Variants in NCKAP5 observed in about 807,000 individuals in gnomAD.
The protein encoded by NCKAP5 is nck-associated protein 5.
In NCKAP5, 92 loss-of-function variants were observed where a neutral mutation model predicts 167.0. That is an observed-to-expected ratio of 0.55 (90% CI 0.47 to 0.66). NCKAP5 has a LOEUF of 0.66. NCKAP5 is among the 30% of genes least tolerant of loss of function. The pLI, the probability that NCKAP5 is intolerant of heterozygous loss-of-function variation, is 0.00. For synonymous variants in NCKAP5, 891 were observed against 877.4 expected (o/e 1.02, Z -0.27); for missense variants, 2,378 against 2,315.0 (o/e 1.03, Z -0.56).
intron 4 of NCKAP5, among the ~76,000 whole-genome samples, chr2:133,261,102 A>G (rs984540731): frequency 2.0e-5 from 3 of 152,230 alleles, no homozygotes; most frequent in Admixed American, 1.3e-4. Context: ...AAGAACTGAG[A>G]AATGGAAAAG....
At chr2:132,731,215 C>T (rs7587261) in intron 17 of NCKAP5, among the ~76,000 whole-genome samples, 3,677 of 152,248 alleles carry the variant, frequency 0.024, 153 homozygotes, top group African/African-American at 0.084. Flanking sequence ...TTGACTGCCA[C>T]GAAGGATAGT....
the NCKAP5 span, among the ~76,000 whole-genome samples, chr2:133,629,247 G>A: frequency 6.6e-6 from 1 of 152,050 alleles, no homozygotes; most frequent in South Asian, 2.1e-4. Context: ...ATCTGACAAA[G>A]GTCTAATATC....
chr2:132,782,713 A>G lies in NCKAP5; in HGVS notation c.4098T>C (p.Ser1366=), dbSNP rs753863985. 6.2e-7 allele frequency: 1 copy of G among 1,613,814 alleles called. No individual in the cohort carries two copies. Among genetic ancestry groups the G allele is most frequent in the Non-Finnish European group, 8.5e-7 (1 of 1,179,878 alleles). The change falls in exon 14 of 20, where the codon AGT becomes AGC. Residue 1366 remains serine (S), a synonymous_variant. Transcript: ENST00000409261. ...TTGGAGGGATCCTCAAAGGCAACTT[A>G]CTTGGGCTCCCATGCTGACTGCTGA... ...GSFSSQHGSP[S]KLPLRIPPKS... is the part of the protein sequence containing the mutation.
chr2:133,566,176 G>T (rs1415264738), intron 1 of NCKAP5, among the ~76,000 whole-genome samples: 2 of 152,194 alleles, frequency 1.3e-5, no homozygotes, highest in Non-Finnish European at 2.9e-5. Context: ...CCAGGCTTCA[G>T]TGAGAGAATG....
chr2:133,640,241 T>C, the NCKAP5 span, among the ~76,000 whole-genome samples: 1 of 152,212 alleles, frequency 6.6e-6, no homozygotes, highest in East Asian at 1.9e-4. Flanking sequence ...CTTTACTATA[T>C]TATTCTATAC....
Position 133,085,563 on chromosome 2 carries a change from A to AT in NCKAP5, c.341+44414dup, listed in dbSNP as rs569362834. On this transcript the variant is annotated intron_variant, in intron 6 of 19. Coordinates refer to ENST00000409261, the MANE Select transcript of NCKAP5 (RefSeq NM_207363.3). ...TCATACTGTTAGAGTTTGAGGTAGCATAAAAAAAAGCTGCCAGTTCCTTTT... is the reference window on the plus strand; with the variant it reads ...TCATACTGTTAGAGTTTGAGGTAGCATTAAAAAAAAGCTGCCAGTTCCTTTT... Among the ~76,000 whole-genome samples the AT allele has an allele frequency of 1.2e-4, 18 of 152,314 alleles. No homozygotes were observed. In the East Asian group the frequency reaches 3.5e-3, roughly 29 times the overall value.
intron 3 of NCKAP5, among the ~76,000 whole-genome samples, chr2:133,333,527 G>A (rs561443219): frequency 9.9e-5 from 15 of 152,200 alleles, no homozygotes; most frequent in African/African-American, 3.6e-4. Context: ...AAGACTCAAC[G>A]GTCCTACCTT....
At chr2:133,328,522 C>G (rs756250306) in intron 3 of NCKAP5, among the ~76,000 whole-genome samples, 16 of 152,308 alleles carry the variant, frequency 1.1e-4, no homozygotes, top group Admixed American at 3.9e-4. Flanking sequence ...TGTGGTGCCA[C>G]CAGGTAGAGC....
chr2:133,493,027 C>A (rs1293197730), intron 3 of NCKAP5, among the ~76,000 whole-genome samples: 1 of 152,186 alleles, frequency 6.6e-6, no homozygotes, highest in Non-Finnish European at 1.5e-5. Context: ...GCAAACCTGA[C>A]AAATTACTCT....
At chr2:133,190,818 C>A (rs1214966066) in intron 5 of NCKAP5, among the ~76,000 whole-genome samples, 1 of 152,180 alleles carries the variant, frequency 6.6e-6, no homozygotes, top group Non-Finnish European at 1.5e-5. Flanking sequence ...TATAAAAACC[C>A]TAGAAGAAAA....
In NCKAP5 at chr2:133,413,601, TAA is replaced by T. The variant is rs113817802; in HGVS notation, c.69+103855_69+103856del. On this transcript the variant is annotated intron_variant, in intron 3 of 19. Coordinates refer to ENST00000409261, the MANE Select transcript of NCKAP5 (RefSeq NM_207363.3). ...AATCTACAATGATCTCAAAACCAGG[TAA>T]AAAAAAAAAATTTAATGAGCTAAAC... Among the ~76,000 whole-genome samples, 307 of 147,784 alleles carry T rather than the reference TAA, an allele frequency of 2.1e-3. 1 individual carries two copies. The highest frequency in any genetic ancestry group is 7.2e-3 in the African/African-American group (291 of 40,452).
At position 133,253,850 on chromosome 2, in the gene NCKAP5, G is replaced by A. The variant is rs532633950; in HGVS notation, c.144-40071C>T. ...CCACTGAAGGACCCATGCCAGACAT[G>A]TCCCACCAGCTCCCCTACAATGTGG... On this transcript the variant is annotated intron_variant, in intron 4 of 19. Transcript: ENST00000409261. Among the ~76,000 whole-genome samples the A allele has an allele frequency of 3.4e-4, 52 of 152,316 alleles. No individual in the cohort carries two copies. The Middle Eastern group carries it at 0.014, about 40-fold the overall frequency.
chr2:133,344,138 C>T lies in NCKAP5; in HGVS notation c.70-41028G>A, dbSNP rs544401633. 7.2e-5 allele frequency among the ~76,000 whole-genome samples: 11 copies of T among 152,130 alleles called. No individual in the cohort carries two copies. In the South Asian group the frequency reaches 8.3e-4, roughly 11 times the overall value. On this transcript the variant is annotated intron_variant, in intron 3 of 19. Transcript: ENST00000409261. The stretch of plus-strand genomic sequence containing the variant: ...GTAATAAAAATATGGCCAGTCACAG[C>T]GGCTCATGCCTGTAATCCCAGCACT...
At chr2:133,334,728 C>T (rs747415108) in intron 3 of NCKAP5, among the ~76,000 whole-genome samples, 35 of 152,254 alleles carry the variant, frequency 2.3e-4, no homozygotes, top group South Asian at 1.0e-3. Context: ...CCCGTTTTAA[C>T]GGTGGAATCG....
intron 4 of NCKAP5, among the ~76,000 whole-genome samples, chr2:133,216,040 A>G (rs1017345964): frequency 1.3e-5 from 2 of 152,110 alleles, no homozygotes; most frequent in Non-Finnish European, 1.5e-5. Flanking sequence ...CATTTAGCAA[A>G]AGATTTGCAA....
chr2:133,176,802 A>G (rs752286987), intron 5 of NCKAP5, among the ~76,000 whole-genome samples: 15 of 152,200 alleles, frequency 9.9e-5, no homozygotes, highest in Non-Finnish European at 2.1e-4. Context: ...GCCCAGTTTC[A>G]GTGTGGTTAC....
intron 3 of NCKAP5, among the ~76,000 whole-genome samples, chr2:133,491,920 A>AATCTGTGT (rs1315340251): frequency 6.6e-6 from 1 of 152,198 alleles, no homozygotes; most frequent in Non-Finnish European, 1.5e-5. Flanking sequence ...CTTTGCAATA[A>AATCTGTGT]ATCTGTGTAT....
intron 2 of NCKAP5, among the ~76,000 whole-genome samples, chr2:133,558,703 G>GTAAAAAAAAAAAAAAA (rs1687926915): frequency 1.9e-4 from 1 of 5,214 alleles, no homozygotes; most frequent in African/African-American, 1.6e-3. Context: ...AATGTGCTGA[G>GTAAAAAAAAAAAAAAA]CAAAAAAAAA....
In NCKAP5 at chr2:133,183,154, G is replaced by A. The variant is rs187338694; in HGVS notation, c.207+30562C>T. ...CACACAAAAGAAATCTCCAGGCACA[G>A]ATGGTTTCACTAGAGAAATCTACAA... On this transcript the variant is annotated intron_variant, in intron 5 of 19. Transcript: ENST00000409261. 5.2e-4 allele frequency among the ~76,000 whole-genome samples: 79 copies of A among 152,108 alleles called. 1 individual carries two copies. The highest frequency in any genetic ancestry group is 5.0e-3 in the Admixed American group (77 of 15,260).
Sources: allele counts gnomAD v4.1 joint callset (sites outside exome capture counted in the v4.1 genomes callset), GRCh38; gene constraint gnomAD v4.1.1; transcripts MANE v1.5; gene names NCBI Gene and HGNC (gene_info 2026-07-23, HGNC 2026-07-21).